The following VAV3 variants were observed in gnomAD, a reference collection of about 807,000 sequenced individuals.
The protein encoded by VAV3 is guanine nucleotide exchange factor VAV3.
A neutral mutation model predicts 131.2 loss-of-function variants in VAV3; 94 were observed. The ratio of observed to expected loss-of-function variants is 0.72; its 90% CI spans 0.61 to 0.85. The LOEUF is 0.85. Among genes scored for constraint, VAV3 ranks in the 40% least tolerant of loss-of-function variants. VAV3 has a pLI of 0.00. For synonymous variants in VAV3, 349 were observed against 342.0 expected (o/e 1.02, Z -0.22); for missense variants, 939 against 1,002.7 (o/e 0.94, Z 0.86).
intron 18 of VAV3, 37 bp from the exon 19 acceptor site, chr1:107,683,570 T>C: frequency 6.2e-7 from 1 of 1,609,926 alleles, no homozygotes; most frequent in Non-Finnish European, 8.5e-7. Context: ...AACAAATATG[T>C]GTTGGTAATT....
chr1:107,644,205 A>C (rs929094032), intron 19 of VAV3, among the ~76,000 whole-genome samples: 1 of 152,140 alleles, frequency 6.6e-6, no homozygotes, highest in East Asian at 1.9e-4. Flanking sequence ...TTTATTTTAC[A>C]TATTCTATTA....
At chr1:107,670,473 A>G (rs1195903114) in intron 19 of VAV3, among the ~76,000 whole-genome samples, 3 of 152,178 alleles carry the variant, frequency 2.0e-5, no homozygotes, top group Admixed American at 1.3e-4. Context: ...AATGAAGATT[A>G]AACATATTTT....
intron 1 of VAV3, among the ~76,000 whole-genome samples, chr1:107,906,941 A>G (rs1004237825): frequency 3.3e-5 from 5 of 152,172 alleles, no homozygotes; most frequent in African/African-American, 1.2e-4. Flanking sequence ...CTTAGTTTAA[A>G]GCACATTTAG....
chr1:107,793,077 C>T (rs949098762), intron 2 of VAV3, among the ~76,000 whole-genome samples: 7 of 152,164 alleles, frequency 4.6e-5, no homozygotes, highest in African/African-American at 1.7e-4. Flanking sequence ...CATGTACACA[C>T]ACATACCAGA....
intron 12 of VAV3, among the ~76,000 whole-genome samples, chr1:107,753,544 A>AT (rs1663906829): frequency 9.8e-6 from 1 of 101,824 alleles, no homozygotes; most frequent in Non-Finnish European, 2.1e-5. Context: ...ATATATATAT[A>AT]TATATACACA....
At chr1:107,852,826 C>T (rs906312466) in intron 2 of VAV3, among the ~76,000 whole-genome samples, 3 of 152,026 alleles carry the variant, frequency 2.0e-5, no homozygotes, top group Non-Finnish European at 2.9e-5. Context: ...CAAATCCTAA[C>T]CAAAAATGGT....
intron 1 of VAV3, among the ~76,000 whole-genome samples, chr1:107,890,589 G>GA (rs1671265572): frequency 1.3e-5 from 2 of 151,874 alleles, no homozygotes; most frequent in South Asian, 4.1e-4. Flanking sequence ...AGTGGGAAGA[G>GA]AAAAATCTAA....
chr1:107,606,803 CTTTTT>C (rs34849497), intron 22 of VAV3, among the ~76,000 whole-genome samples: 1 of 57,998 alleles, frequency 1.7e-5, no homozygotes, highest in Non-Finnish European at 3.2e-5. Context: ...ATGGTTTCTT[CTTTTT>C]TTTTTTTTTT....
At chr1:107,899,845 T>A (rs1341906694) in intron 1 of VAV3, among the ~76,000 whole-genome samples, 2 of 152,164 alleles carry the variant, frequency 1.3e-5, no homozygotes, top group African/African-American at 2.4e-5. Context: ...CTGCCTCTGC[T>A]TTTCCCAGAA....
At chr1:107,633,695 G>T (rs1305585187) in intron 20 of VAV3, among the ~76,000 whole-genome samples, 1 of 152,204 alleles carries the variant, frequency 6.6e-6, no homozygotes, top group South Asian at 2.1e-4. Context: ...CAGCTCTGGT[G>T]TTTAGGCTTA....
chr1:107,718,775 C>A (rs1354151554), intron 15 of VAV3, among the ~76,000 whole-genome samples: 3 of 152,156 alleles, frequency 2.0e-5, no homozygotes, highest in Non-Finnish European at 4.4e-5. Flanking sequence ...AAGAACAAAT[C>A]TGGAGGCATC....
intron 18 of VAV3, among the ~76,000 whole-genome samples, chr1:107,685,282 A>G (rs1400278746): frequency 1.3e-5 from 2 of 152,190 alleles, no homozygotes; most frequent in African/African-American, 4.8e-5. Flanking sequence ...TTCAGTTTGA[A>G]CACAAACAGT....
At chr1:107,819,818 T>C (rs1309199743) in intron 2 of VAV3, among the ~76,000 whole-genome samples, 1 of 152,158 alleles carries the variant, frequency 6.6e-6, no homozygotes, top group Non-Finnish European at 1.5e-5. Context: ...CTTTTTTCTT[T>C]TCTGAAGTCT....
chr1:107,602,625 C>A, intron 23 of VAV3, 141 bp from the exon 24 acceptor site: 1 of 588,498 alleles, frequency 1.7e-6, no homozygotes, highest in Non-Finnish European at 2.8e-6. Context: ...ACACTGGTGA[C>A]AGCTAATTAA....
intron 1 of VAV3, among the ~76,000 whole-genome samples, chr1:107,956,442 T>C (rs571894487): frequency 8.5e-5 from 13 of 152,250 alleles, no homozygotes; most frequent in South Asian, 6.2e-4. Flanking sequence ...ATGTTTAACA[T>C]ACTAGAATTC....
chr1:107,801,536 T>A (rs986481947), intron 2 of VAV3, among the ~76,000 whole-genome samples: 1 of 152,150 alleles, frequency 6.6e-6, no homozygotes, highest in East Asian at 1.9e-4. Context: ...CTTAGAAGTA[T>A]GCACCTGTAA....
At chr1:107,721,816 C>G (rs978347087) in intron 15 of VAV3, among the ~76,000 whole-genome samples, 2 of 152,182 alleles carry the variant, frequency 1.3e-5, no homozygotes, top group African/African-American at 2.4e-5. Context: ...TCCTCCAGAC[C>G]CAGCATGACT....
chr1:107,913,664 A>C (rs998506895), intron 1 of VAV3, among the ~76,000 whole-genome samples: 4 of 152,248 alleles, frequency 2.6e-5, no homozygotes, highest in Non-Finnish European at 4.4e-5. Context: ...TAATATTTGC[A>C]TTCTCCAGCC....
intron 19 of VAV3, among the ~76,000 whole-genome samples, chr1:107,660,035 A>G: frequency 6.6e-6 from 1 of 152,218 alleles, no homozygotes; most frequent in East Asian, 1.9e-4. Context: ...AATCTCTCCT[A>G]CAACTGAAAT....
Sources: gnomAD v4.1 joint callset for allele counts (sites outside exome capture counted in the v4.1 genomes callset) on GRCh38, gnomAD v4.1.1 for gene constraint, MANE v1.5 for transcripts, NCBI Gene and HGNC (gene_info 2026-07-23, HGNC 2026-07-21) for gene names.